CDH19: variants seen among roughly 807,000 people sequenced by gnomAD.
CDH19 encodes the protein cadherin-19.
A neutral mutation model predicts 64.2 loss-of-function variants in CDH19; 67 were observed. The observed-to-expected ratio is 1.04, with a 90% CI of 0.86 to 1.28. CDH19 has a LOEUF of 1.28. Among genes scored for constraint, CDH19 ranks in the 50% most tolerant of loss-of-function variants. The pLI is 0.00. For synonymous variants in CDH19, 346 were observed against 319.3 expected, an observed-to-expected ratio of 1.08 and a Z score of -0.89; for missense variants, 1,030 against 929.0, an observed-to-expected ratio of 1.11 and a Z score of -1.41.
intron 9 of CDH19, among the ~76,000 whole-genome samples, chr18:66,526,137 T>A (rs911158433): frequency 9.2e-5 from 14 of 152,116 alleles, no homozygotes; most frequent in African/African-American, 3.4e-4. Context: ...GCATGGAATA[T>A]GGGGTAAAAA....
chr18:66,533,111 T>C (rs961621544), intron 8 of CDH19, among the ~76,000 whole-genome samples: 1 of 152,090 alleles, frequency 6.6e-6, no homozygotes, highest in East Asian at 1.9e-4. Context: ...TGGGCTGGGA[T>C]GAGATTTTGC....
At chr18:66,563,536 C>A (rs1196700057) in intron 3 of CDH19, among the ~76,000 whole-genome samples, 1 of 151,948 alleles carries the variant, frequency 6.6e-6, no homozygotes, top group East Asian at 1.9e-4. Context: ...GTAATTTCTG[C>A]AACAATAAAA....
intron 7 of CDH19, among the ~76,000 whole-genome samples, chr18:66,542,432 G>A (rs888856975): frequency 3.3e-5 from 5 of 152,152 alleles, no homozygotes; most frequent in South Asian, 2.1e-4. Context: ...AAATCATTAC[G>A]TAACAAGCTT....
At chr18:66,600,645 T>A (rs1989015085) in intron 1 of CDH19, among the ~76,000 whole-genome samples, 1 of 151,872 alleles carries the variant, frequency 6.6e-6, no homozygotes, top group South Asian at 2.1e-4. Context: ...CATGAAAGTT[T>A]TATAAATAAT....
intron 3 of CDH19, among the ~76,000 whole-genome samples, chr18:66,555,141 A>G (rs1346407465): frequency 6.6e-6 from 1 of 151,902 alleles, no homozygotes; most frequent in Non-Finnish European, 1.5e-5. Flanking sequence ...AACAAGAAAT[A>G]AAATCATATG....
intron 11 of CDH19, among the ~76,000 whole-genome samples, chr18:66,505,575 T>C (rs150916460): frequency 0.014 from 2,003 of 146,974 alleles, 20 homozygotes; most frequent in Non-Finnish European, 0.02. Context: ...ATATATAATA[T>C]AATATATATA....
chr18:66,544,497 T>C (rs934955359), intron 6 of CDH19, among the ~76,000 whole-genome samples: 2 of 152,060 alleles, frequency 1.3e-5, no homozygotes, highest in Non-Finnish European at 1.5e-5. Context: ...ATTTAAGATA[T>C]TTTCCAAAAA....
intron 10 of CDH19, 43 bp from the exon 11 acceptor site, chr18:66,509,289 G>T: frequency 6.4e-7 from 1 of 1,572,986 alleles, no homozygotes; most frequent in South Asian, 1.1e-5. Flanking sequence ...AACTACGTAA[G>T]AGAAATTTGT....
chr18:66,580,295 A>G (rs1988386915), intron 1 of CDH19, among the ~76,000 whole-genome samples: 1 of 152,078 alleles, frequency 6.6e-6, no homozygotes, highest in African/African-American at 2.4e-5. Context: ...GTTGTATTTT[A>G]CTATTTTATA....
intron 9 of CDH19, among the ~76,000 whole-genome samples, chr18:66,513,789 G>A (rs981020259): frequency 2.0e-5 from 3 of 151,436 alleles, no homozygotes; most frequent in Admixed American, 6.6e-5. Flanking sequence ...GCCATGGCTT[G>A]AGAGATTGGG....
chr18:66,590,044 A>T (rs1000186247), intron 1 of CDH19, among the ~76,000 whole-genome samples: 2 of 151,944 alleles, frequency 1.3e-5, no homozygotes, highest in Admixed American at 6.6e-5. Context: ...CAATCTTTAA[A>T]TAAATATGTA....
At chr18:66,559,951 G>C (rs1350354636) in intron 3 of CDH19, among the ~76,000 whole-genome samples, 3 of 151,848 alleles carry the variant, frequency 2.0e-5, no homozygotes, top group African/African-American at 7.2e-5. Context: ...AACTTGGAAA[G>C]ACAATTAAAA....
At chr18:66,534,432 A>G (rs1986578177) in intron 8 of CDH19, among the ~76,000 whole-genome samples, 1 of 152,004 alleles carries the variant, frequency 6.6e-6, no homozygotes, top group African/African-American at 2.4e-5. Flanking sequence ...GAAGAAAGGA[A>G]ACAGGATTAT....
chr18:66,588,472 T>C (rs1160878605), intron 1 of CDH19, among the ~76,000 whole-genome samples: 5 of 151,950 alleles, frequency 3.3e-5, no homozygotes, highest in African/African-American at 1.2e-4. Context: ...AACTTCATAG[T>C]GGCCAGAGGT....
chr18:66,594,008 G>C (rs1599043852), intron 1 of CDH19, among the ~76,000 whole-genome samples: 1 of 152,236 alleles, frequency 6.6e-6, no homozygotes, highest in African/African-American at 2.4e-5. Context: ...AGACCCAACT[G>C]TGTGCTGAAT....
chr18:66,535,701 C>T (rs1986637397), intron 7 of CDH19, among the ~76,000 whole-genome samples: 1 of 145,498 alleles, frequency 6.9e-6, no homozygotes, highest in African/African-American at 2.5e-5. Context: ...TATTTTATTA[C>T]ATATATAACA....
chr18:66,522,738 C>T (rs1428181298), intron 9 of CDH19, among the ~76,000 whole-genome samples: 1 of 151,066 alleles, frequency 6.6e-6, no homozygotes, highest in Non-Finnish European at 1.5e-5. Context: ...TTAAAGAGTT[C>T]TGTGCTATTC....
chr18:66,603,804 T>A (rs1175941041), intron 1 of CDH19, 150 bp downstream of exon 1: 1 of 152,162 alleles, frequency 6.6e-6, no homozygotes, highest in African/African-American at 2.4e-5. Flanking sequence ...TTAAAATTTT[T>A]AGAATATTTT....
At chr18:66,569,247 T>C (rs1195594705) in intron 2 of CDH19, among the ~76,000 whole-genome samples, 2 of 151,716 alleles carry the variant, frequency 1.3e-5, no homozygotes, top group African/African-American at 4.8e-5. Context: ...TATAAATTGC[T>C]TTATATTAGT....
Sources: gnomAD v4.1 joint callset for allele counts (sites outside exome capture counted in the v4.1 genomes callset) on GRCh38, gnomAD v4.1.1 for gene constraint, MANE v1.5 for transcripts, NCBI Gene and HGNC (gene_info 2026-07-23, HGNC 2026-07-21) for gene names.